The following NFIA variants were observed in gnomAD, a reference collection of about 807,000 sequenced individuals.
The protein encoded by NFIA is nuclear factor I A, also known as nuclear factor 1 A-type.
In NFIA, 8 loss-of-function variants were observed where a neutral mutation model predicts 62.8. That is an observed-to-expected ratio of 0.13 (90% CI 0.07 to 0.23). The LOEUF (loss-of-function observed/expected upper bound fraction) is 0.23. NFIA is among the 10% of genes least tolerant of loss of function. The pLI, the probability that NFIA is intolerant of heterozygous loss-of-function variation, is 1.00. For synonymous variants in NFIA, 235 were observed against 238.1 expected, an observed-to-expected ratio of 0.99 and a Z score of 0.12; for missense variants, 410 against 642.1, an observed-to-expected ratio of 0.64 and a Z score of 3.91.
At chr1:61,286,850 C>T (rs1455917047) in intron 3 of NFIA, among the ~76,000 whole-genome samples, 2 of 152,172 alleles carry the variant, frequency 1.3e-5, no homozygotes, top group East Asian at 3.9e-4. Flanking sequence ...TGAGTTAAGT[C>T]CTAATGAAGT....
chr1:61,145,399 G>A (rs1647850886), intron 2 of NFIA, among the ~76,000 whole-genome samples: 2 of 152,148 alleles, frequency 1.3e-5, no homozygotes, highest in South Asian at 4.1e-4. Context: ...TAACCTTTCA[G>A]AAGAAACATT....
intron 2 of NFIA, among the ~76,000 whole-genome samples, chr1:61,183,638 C>G (rs781422734): frequency 6.6e-6 from 1 of 152,192 alleles, no homozygotes; most frequent in African/African-American, 2.4e-5. Context: ...TAAACACTTT[C>G]CCTTGGATGT....
At chr1:61,342,940 A>G (rs894641035) in intron 4 of NFIA, among the ~76,000 whole-genome samples, 9 of 152,246 alleles carry the variant, frequency 5.9e-5, no homozygotes, top group African/African-American at 2.2e-4. Flanking sequence ...TACATATTCC[A>G]TAGGGATAAT....
intron 2 of NFIA, among the ~76,000 whole-genome samples, chr1:61,204,263 C>G (rs1049760921): frequency 6.6e-6 from 1 of 152,156 alleles, no homozygotes; most frequent in Admixed American, 6.5e-5. Context: ...AGGAATTAAA[C>G]TTGGGTTTTG....
chr1:61,322,586 G>C (rs749486379), intron 3 of NFIA, among the ~76,000 whole-genome samples: 1 of 151,834 alleles, frequency 6.6e-6, no homozygotes, highest in African/African-American at 2.4e-5. Flanking sequence ...TATCACTTGC[G>C]TTCACTTTCT....
chr1:61,181,782 AG>A (rs1415803781), intron 2 of NFIA, among the ~76,000 whole-genome samples: 1 of 152,242 alleles, frequency 6.6e-6, no homozygotes, highest in Non-Finnish European at 1.5e-5. Context: ...GATAGTAAAT[AG>A]TATTTTTATT....
chr1:61,312,930 C>G (rs553083221), intron 3 of NFIA, among the ~76,000 whole-genome samples: 8 of 152,300 alleles, frequency 5.3e-5, no homozygotes, highest in Admixed American at 2.6e-4. Flanking sequence ...ACACCTTTTA[C>G]TTTTAATTTA....
At position 61,406,717 on chromosome 1, in the gene NFIA, C is replaced by T; in HGVS notation, c.1410C>T (p.Pro470=). 1.2e-6 allele frequency: 2 copies of T among 1,608,548 alleles called. No homozygotes were observed. Among genetic ancestry groups the T allele is most frequent in the Non-Finnish European group, 1.7e-6 (2 of 1,177,486 alleles). Residue 470 remains proline (P), a synonymous_variant, in exon 9 of 11, where the codon CCC becomes CCT. Coordinates refer to ENST00000403491, the MANE Select transcript of NFIA (RefSeq NM_001134673.4). ...CAACAGAAGGAGGTGCAGCCTCCCCCACGTCACCAAGTAAGTATGGCTGCG... is the reference window on the plus strand; with the variant it reads ...CAACAGAAGGAGGTGCAGCCTCCCCTACGTCACCAAGTAAGTATGGCTGCG... The part of the protein sequence containing the change: ...TTSTEGGAAS[P]TSPTYSTPST...
intron 9 of NFIA, among the ~76,000 whole-genome samples, chr1:61,425,553 A>C (rs936952755): frequency 6.6e-6 from 1 of 152,238 alleles, no homozygotes; most frequent in African/African-American, 2.4e-5. Flanking sequence ...ATTCTAGTAC[A>C]GAGGAAGAAT....
At chr1:61,111,850 T>G (rs901909371) in intron 2 of NFIA, among the ~76,000 whole-genome samples, 3 of 152,122 alleles carry the variant, frequency 2.0e-5, no homozygotes, top group African/African-American at 7.2e-5. Context: ...AAACCAAAAA[T>G]GATGGTATTT....
At chr1:61,311,413 A>AC (rs907657960) in intron 3 of NFIA, among the ~76,000 whole-genome samples, 24 of 151,420 alleles carry the variant, frequency 1.6e-4, no homozygotes, top group Non-Finnish European at 3.1e-4. Context: ...AAACAAACAA[A>AC]AAAAACATAC....
At chr1:61,127,160 C>CA (rs571548416) in intron 2 of NFIA, among the ~76,000 whole-genome samples, 10,978 of 96,490 alleles carry the variant, frequency 0.11, 449 homozygotes, top group East Asian at 0.13. Flanking sequence ...ACTCCCATCT[C>CA]AAAAAAAAAA....
chr1:61,300,182 G>T (rs574820371), intron 3 of NFIA, among the ~76,000 whole-genome samples: 5 of 152,002 alleles, frequency 3.3e-5, no homozygotes, highest in African/African-American at 1.2e-4. Flanking sequence ...TTCATCTCTG[G>T]ATCATATTTT....
intron 2 of NFIA, among the ~76,000 whole-genome samples, chr1:61,183,783 G>T (rs1189870097): frequency 1.3e-5 from 2 of 152,132 alleles, no homozygotes; most frequent in Non-Finnish European, 2.9e-5. Context: ...GTGCCTTTTA[G>T]CCAAAGAGGA....
At chr1:61,161,672 A>G (rs1649218614) in intron 2 of NFIA, among the ~76,000 whole-genome samples, 1 of 151,990 alleles carries the variant, frequency 6.6e-6, no homozygotes, top group African/African-American at 2.4e-5. Flanking sequence ...GTTTATCAGG[A>G]TGTAACTCTG....
intron 2 of NFIA, among the ~76,000 whole-genome samples, chr1:61,195,321 T>C (rs767754173): frequency 3.3e-5 from 5 of 152,150 alleles, no homozygotes; most frequent in Non-Finnish European, 7.4e-5. Flanking sequence ...AATATTATCT[T>C]AGCCATATAA....
chr1:61,387,165 G>A (rs759166450), intron 7 of NFIA, among the ~76,000 whole-genome samples: 24 of 151,996 alleles, frequency 1.6e-4, no homozygotes, highest in Admixed American at 5.2e-4. Context: ...AATCTCAGGG[G>A]GTCAGATAGG....
chr1:61,332,878 T>A (rs1661368977), intron 4 of NFIA, among the ~76,000 whole-genome samples: 1 of 152,268 alleles, frequency 6.6e-6, no homozygotes, highest in African/African-American at 2.4e-5. Flanking sequence ...TTTTTGACCT[T>A]TAAAAAATGC....
intron 2 of NFIA, among the ~76,000 whole-genome samples, chr1:61,139,559 A>G (rs1439558057): frequency 2.0e-5 from 3 of 152,316 alleles, no homozygotes; most frequent in South Asian, 4.1e-4. Flanking sequence ...GGGAGTTAGT[A>G]GCTGATACAG....
Sources: allele counts gnomAD v4.1 joint callset (sites outside exome capture counted in the v4.1 genomes callset), GRCh38; gene constraint gnomAD v4.1.1; transcripts MANE v1.5; gene names NCBI Gene and HGNC (gene_info 2026-07-23, HGNC 2026-07-21).